ARHGAP19: variants seen among roughly 807,000 people sequenced by gnomAD.
The protein encoded by ARHGAP19 is rho GTPase-activating protein 19.
A neutral mutation model predicts 60.9 loss-of-function variants in ARHGAP19; 48 were observed. That is an observed-to-expected ratio of 0.79 (90% CI 0.62 to 1.00). The LOEUF (loss-of-function observed/expected upper bound fraction) is 1.00, where lower values mean the gene tolerates loss of function less well. ARHGAP19 is among the 50% of genes least tolerant of loss of function. The pLI, the probability that ARHGAP19 is intolerant of heterozygous loss-of-function variation, is 0.00. For missense variants in ARHGAP19, 562 were observed against 597.2 expected, an observed-to-expected ratio of 0.94 and a Z score of 0.61; for synonymous variants, 209 against 215.5, an observed-to-expected ratio of 0.97 and a Z score of 0.27.
At chr10:97,284,248 A>G (rs1253395) in intron 1 of ARHGAP19, among the ~76,000 whole-genome samples, 142,815 of 152,118 alleles carry the variant, frequency 0.94, 67,675 homozygotes, top group East Asian at 1. Context: ...TCAGCCTCTT[A>G]AGTAGCTGGG....
At chr10:97,238,452 A>C (rs1269496009) in intron 8 of ARHGAP19, among the ~76,000 whole-genome samples, 1 of 152,142 alleles carries the variant, frequency 6.6e-6, no homozygotes, top group Non-Finnish European at 1.5e-5. Flanking sequence ...TCCTGGCTTA[A>C]AGCAGTCCTC....
chr10:97,272,131 CT>C (rs35980234), intron 1 of ARHGAP19, among the ~76,000 whole-genome samples: 115 of 85,640 alleles, frequency 1.3e-3, no homozygotes, highest in South Asian at 5.9e-3. Context: ...GGAAATATGT[CT>C]TTTTTTTTTT....
intron 11 of ARHGAP19, among the ~76,000 whole-genome samples, chr10:97,227,589 G>C (rs1321917257): frequency 6.6e-6 from 1 of 152,174 alleles, no homozygotes. Context: ...CACCAGGAAG[G>C]CATTTCCAGA....
At chr10:97,270,972 T>A (rs1281040766) in intron 1 of ARHGAP19, among the ~76,000 whole-genome samples, 4 of 152,100 alleles carry the variant, frequency 2.6e-5, no homozygotes, top group Non-Finnish European at 5.9e-5. Flanking sequence ...GGAGGGGTGA[T>A]CCCTACCTCA....
intron 4 of ARHGAP19, 116 bp from the exon 5 acceptor site, chr10:97,259,744 G>C: frequency 2.8e-6 from 2 of 725,702 alleles, no homozygotes; most frequent in East Asian, 2.6e-5. Flanking sequence ...AAAAGATTCA[G>C]GCAGAAACAC....
At chr10:97,229,541 A>G (rs1261960668) in intron 10 of ARHGAP19, among the ~76,000 whole-genome samples, 1 of 151,940 alleles carries the variant, frequency 6.6e-6, no homozygotes, top group Non-Finnish European at 1.5e-5. Context: ...TGTACTACTC[A>G]TCTGCTTGTG....
At chr10:97,240,629 C>T (rs974082589) in intron 8 of ARHGAP19, among the ~76,000 whole-genome samples, 5 of 152,100 alleles carry the variant, frequency 3.3e-5, no homozygotes, top group Admixed American at 6.6e-5. Context: ...CCAGCCTAGG[C>T]GACAGAGCAG....
At position 97,264,854 on chromosome 10, in the gene ARHGAP19, T is replaced by A. The variant is rs1370948921; in HGVS notation, c.375A>T (p.Ile125=). 1 of 1,613,508 alleles carries A rather than the reference T, an allele frequency of 6.2e-7. No homozygotes were observed. Among genetic ancestry groups the A allele is most frequent in the South Asian group, 1.1e-5 (1 of 91,030 alleles). ...TGTGTAGATACTCAATCAGTTGGTA[T>A]ATCTGGGCAATGCCTTCCTCCGTCA... The part of the protein sequence containing the change: ...SPLTEEGIAQ[I]YQLIEYLHKN... The change falls in exon 3 of 12, where the codon ATA becomes ATT. Residue 125 remains isoleucine (I), a synonymous_variant. Transcript: ENST00000358531.
Position 97,223,557 on chromosome 10 carries a change from G to A in ARHGAP19, c.*2565C>T, listed in dbSNP as rs1416578878. 6.6e-6 allele frequency: 1 copy of A among 152,094 alleles called. No individual in the cohort carries two copies. Among genetic ancestry groups the A allele is most frequent in the African/African-American group, 2.4e-5 (1 of 41,380 alleles). The allele number at this position is 152,094 out of a possible 1,614,324, so 9.4% of individuals were successfully genotyped here. On this transcript the variant is annotated 3_prime_UTR_variant, in exon 12 of 12. Coordinates refer to ENST00000358531, the MANE Select transcript of ARHGAP19 (RefSeq NM_032900.6). ...TGACACCACATCAAAGCCCATCACA[G>A]GTGACCCCAGAAAGAAATGAAGTTG...
At chr10:97,275,053 C>T (rs1289233289) in intron 1 of ARHGAP19, 5 of 152,530 alleles carry the variant, frequency 3.3e-5, no homozygotes, top group Non-Finnish European at 5.9e-5. Context: ...TCCCATCAGT[C>T]ACCACTCCAG....
intron 11 of ARHGAP19, among the ~76,000 whole-genome samples, chr10:97,228,617 T>C (rs1401736070): frequency 6.6e-6 from 1 of 152,170 alleles, no homozygotes; most frequent in African/African-American, 2.4e-5. Flanking sequence ...CAGCAGGCTT[T>C]TACCAGAAGA....
At chr10:97,288,454 C>T (rs1191651058) in intron 1 of ARHGAP19, among the ~76,000 whole-genome samples, 2 of 151,956 alleles carry the variant, frequency 1.3e-5, no homozygotes, top group Non-Finnish European at 2.9e-5. Flanking sequence ...CTGGCACACG[C>T]CTGTAGTCCC....
rs888090277 is a variant in ARHGAP19 at position 97,242,638 on chromosome 10, G to A, written c.1185+1330C>T. ...AGCAATTCTCCTGCCTCAGCCTCCC[G>A]AGTAGCTGGGATTACAAGCATGTGC... On this transcript the variant is annotated intron_variant, in intron 8 of 11. Coordinates refer to ENST00000358531, the MANE Select transcript of ARHGAP19 (RefSeq NM_032900.6). Among the ~76,000 whole-genome samples the A allele has an allele frequency of 9.5e-4, 144 of 152,128 alleles. 1 individual carries two copies. Among genetic ancestry groups the A allele is most frequent in the African/African-American group, 3.4e-3 (140 of 41,508 alleles).
At chr10:97,285,303 T>C (rs184597042) in intron 1 of ARHGAP19, among the ~76,000 whole-genome samples, 223 of 152,270 alleles carry the variant, frequency 1.5e-3, no homozygotes, top group African/African-American at 5.2e-3. Context: ...TAAACTGTTA[T>C]GTTTTTTAAT....
chr10:97,262,430 G>A (rs1337362554), intron 4 of ARHGAP19, among the ~76,000 whole-genome samples: 2 of 152,070 alleles, frequency 1.3e-5, no homozygotes, highest in Non-Finnish European at 2.9e-5. Flanking sequence ...ACTTTGGGAG[G>A]CCAAGGTAGG....
chr10:97,282,002 T>C (rs1231414225), intron 1 of ARHGAP19, among the ~76,000 whole-genome samples: 1 of 152,194 alleles, frequency 6.6e-6, no homozygotes, highest in Non-Finnish European at 1.5e-5. Context: ...GATAGCACAG[T>C]GGACATCTGC....
At chr10:97,255,577 A>G (rs1263645723) in intron 6 of ARHGAP19, among the ~76,000 whole-genome samples, 1 of 151,594 alleles carries the variant, frequency 6.6e-6, no homozygotes, top group Non-Finnish European at 1.5e-5. Flanking sequence ...ACCTTGTCTG[A>G]AAAAAAAAGA....
intron 6 of ARHGAP19, among the ~76,000 whole-genome samples, chr10:97,248,371 G>A (rs1842593622): frequency 6.6e-6 from 1 of 151,884 alleles, no homozygotes; most frequent in Non-Finnish European, 1.5e-5. Flanking sequence ...CCCAGATCGT[G>A]CTACTGCACT....
At chr10:97,242,324 CT>C (rs1164708198) in intron 8 of ARHGAP19, among the ~76,000 whole-genome samples, 677 of 55,748 alleles carry the variant, frequency 0.012, 2 homozygotes, top group African/African-American at 0.042. Flanking sequence ...TATCAGTGTT[CT>C]TTTTTTTTTT....
Sources: allele counts gnomAD v4.1 joint callset (sites outside exome capture counted in the v4.1 genomes callset), GRCh38; gene constraint gnomAD v4.1.1; transcripts MANE v1.5; gene names NCBI Gene and HGNC (gene_info 2026-07-23, HGNC 2026-07-21).